Variants in CNTNAP2 observed in about 807,000 individuals in gnomAD.
CNTNAP2 encodes the protein contactin associated protein 2, also known as contactin-associated protein-like 2.
A neutral mutation model predicts 155.2 loss-of-function variants in CNTNAP2; 98 were observed. The observed-to-expected ratio is 0.63, with a 90% CI of 0.54 to 0.75. The LOEUF (loss-of-function observed/expected upper bound fraction) is 0.75. CNTNAP2 is among the 30% of genes least tolerant of loss of function. The pLI, the probability that CNTNAP2 is intolerant of heterozygous loss-of-function variation, is 0.00. For missense variants in CNTNAP2, 1,727 were observed against 1,688.1 expected (o/e 1.02, Z -0.40); for synonymous variants, 651 against 631.2 (o/e 1.03, Z -0.47).
intron 8 of CNTNAP2, among the ~76,000 whole-genome samples, chr7:147,171,333 G>A (rs1289579738): frequency 1.3e-5 from 2 of 152,126 alleles, no homozygotes; most frequent in Admixed American, 6.5e-5. Flanking sequence ...AATTACAGTG[G>A]TTTAGAGGTG....
At chr7:147,902,395 G>A (rs1348114251) in intron 13 of CNTNAP2, among the ~76,000 whole-genome samples, 1 of 133,734 alleles carries the variant, frequency 7.5e-6, no homozygotes, top group Non-Finnish European at 1.6e-5. Flanking sequence ...AGAATTAAAA[G>A]CTTTTTTAAA....
chr7:146,514,725 T>C (rs1005915605), intron 1 of CNTNAP2, among the ~76,000 whole-genome samples: 3 of 152,056 alleles, frequency 2.0e-5, no homozygotes, highest in Non-Finnish European at 4.4e-5. Flanking sequence ...CTAGTTTCTT[T>C]CTTTGTACAT....
At chr7:148,063,941 T>G (rs1031769959) in intron 15 of CNTNAP2, among the ~76,000 whole-genome samples, 1 of 152,176 alleles carries the variant, frequency 6.6e-6, no homozygotes, top group African/African-American at 2.4e-5. Flanking sequence ...TTCATTCCTT[T>G]GCATGTTGCT....
chr7:146,625,117 G>A (rs1799397377), intron 1 of CNTNAP2, among the ~76,000 whole-genome samples: 1 of 151,842 alleles, frequency 6.6e-6, no homozygotes, highest in Admixed American at 6.6e-5. Context: ...TTAATTATAA[G>A]GCTGCTTTAA....
chr7:146,236,334 G>A (rs1799472712), intron 1 of CNTNAP2, among the ~76,000 whole-genome samples: 1 of 152,148 alleles, frequency 6.6e-6, no homozygotes, highest in Non-Finnish European at 1.5e-5. Flanking sequence ...AGTGGAAAAT[G>A]TGAGTGGGAA....
chr7:147,184,284 C>T lies in CNTNAP2; in HGVS notation c.1348+51775C>T, dbSNP rs543426014. On this transcript the variant is annotated intron_variant, in intron 8 of 23. Transcript: ENST00000361727. ...AGGGACTGGATCGCTCCTAAGGCTG[C>T]CCAACTTGTGGGTTTTCCAATGCCT... Among the ~76,000 whole-genome samples, 11 of 152,210 alleles carry T rather than the reference C, an allele frequency of 7.2e-5. No homozygotes were observed. In the East Asian group the frequency reaches 2.1e-3, roughly 29 times the overall value.
At chr7:146,234,544 G>A (rs802573) in intron 1 of CNTNAP2, among the ~76,000 whole-genome samples, 107,743 of 148,764 alleles carry the variant, frequency 0.72, 39,403 homozygotes, top group East Asian at 0.94. Context: ...GCCCATGCCT[G>A]TGTCCTGAAT....
At chr7:148,305,906 G>A (rs563120214) in intron 21 of CNTNAP2, among the ~76,000 whole-genome samples, 3 of 152,072 alleles carry the variant, frequency 2.0e-5, no homozygotes, top group Non-Finnish European at 4.4e-5. Context: ...CTGGGCCTCC[G>A]GATGGCATGA....
intron 13 of CNTNAP2, among the ~76,000 whole-genome samples, chr7:147,748,593 G>A (rs1333036915): frequency 6.6e-6 from 1 of 152,208 alleles, no homozygotes; most frequent in Non-Finnish European, 1.5e-5. Context: ...TTAGGAGCAT[G>A]TTTTTCTCCC....
chr7:146,153,193 A>T (rs55938946), intron 1 of CNTNAP2, among the ~76,000 whole-genome samples: 2,301 of 152,270 alleles, frequency 0.015, 26 homozygotes, highest in Middle Eastern at 0.034. Flanking sequence ...GTAATTAAAA[A>T]TGACAAAATT....
At chr7:148,142,129 G>A (rs1267567769) in intron 16 of CNTNAP2, among the ~76,000 whole-genome samples, 1 of 151,514 alleles carries the variant, frequency 6.6e-6, no homozygotes, top group Non-Finnish European at 1.5e-5. Context: ...GTGTGTGTGT[G>A]TGTGTTTGTA....
At position 146,674,237 on chromosome 7, in the gene CNTNAP2, G is replaced by T. The variant is rs543146397; in HGVS notation, c.98-100034G>T. Among the ~76,000 whole-genome samples, 356 of 152,208 alleles carry T rather than the reference G, an allele frequency of 2.3e-3. 2 individuals carry two copies. The highest frequency in any genetic ancestry group is 8.3e-3 in the African/African-American group (346 of 41,538). ...CAAGACCTCAGAACTGCCTTAGAGAGTTTAATGGAAATAACATACATAGGA... is the reference window on the plus strand; with the variant it reads ...CAAGACCTCAGAACTGCCTTAGAGATTTTAATGGAAATAACATACATAGGA... On this transcript the variant is annotated intron_variant, in intron 1 of 23. Transcript: ENST00000361727.
chr7:146,163,573 C>CTATA (rs1439369967), intron 1 of CNTNAP2, among the ~76,000 whole-genome samples: 1 of 96,036 alleles, frequency 1.0e-5, no homozygotes, highest in African/African-American at 4.6e-5. Flanking sequence ...CTATCTATAT[C>CTATA]TATCTATCTA....
chr7:147,954,627 C>G (rs1800989090), intron 14 of CNTNAP2, among the ~76,000 whole-genome samples: 1 of 152,050 alleles, frequency 6.6e-6, no homozygotes, highest in African/African-American at 2.4e-5. Context: ...TTATTTTCAG[C>G]CAATAATTGC....
intron 2 of CNTNAP2, among the ~76,000 whole-genome samples, chr7:146,817,464 C>T (rs1803195496): frequency 6.9e-6 from 1 of 144,380 alleles, no homozygotes; most frequent in Non-Finnish European, 1.5e-5. Flanking sequence ...ATGAGCGAAA[C>T]TCCATCAAAA....
intron 1 of CNTNAP2, among the ~76,000 whole-genome samples, chr7:146,296,403 A>G (rs1025267382): frequency 2.0e-5 from 3 of 152,118 alleles, no homozygotes; most frequent in Non-Finnish European, 4.4e-5. Context: ...GCTGCCCTGC[A>G]ATGAAACCCC....
chr7:148,093,386 T>A (rs762177333), intron 15 of CNTNAP2, among the ~76,000 whole-genome samples: 2 of 152,244 alleles, frequency 1.3e-5, no homozygotes, highest in Non-Finnish European at 2.9e-5. Context: ...CATATTTGAC[T>A]GTAGAAACCT....
intron 15 of CNTNAP2, among the ~76,000 whole-genome samples, chr7:148,110,962 C>T (rs1007017771): frequency 2.0e-5 from 3 of 152,188 alleles, no homozygotes; most frequent in Non-Finnish European, 4.4e-5. Flanking sequence ...AGGAAAGTAG[C>T]GGATTCTTCT....
chr7:146,763,907 G>C (rs1438888298), intron 1 of CNTNAP2, among the ~76,000 whole-genome samples: 1 of 152,098 alleles, frequency 6.6e-6, no homozygotes, highest in African/African-American at 2.4e-5. Context: ...TGTACCTCTT[G>C]ATTGCATGGC....
Sources: gnomAD v4.1 joint callset for allele counts (sites outside exome capture counted in the v4.1 genomes callset) on GRCh38, gnomAD v4.1.1 for gene constraint, MANE v1.5 for transcripts, NCBI Gene and HGNC (gene_info 2026-07-23, HGNC 2026-07-21) for gene names.